TRPC6: variants seen among roughly 807,000 people sequenced by gnomAD.
TRPC6 encodes short transient receptor potential channel 6.
In TRPC6, 55 loss-of-function variants were observed where a neutral mutation model predicts 90.7. The ratio of observed to expected loss-of-function variants is 0.61; its 90% CI spans 0.49 to 0.76. The LOEUF (loss-of-function observed/expected upper bound fraction) is 0.76. Among genes scored for constraint, TRPC6 ranks in the 30% least tolerant of loss-of-function variants. The pLI is 0.00. For missense variants in TRPC6, 989 were observed against 1,122.7 expected (o/e 0.88, Z 1.70); for synonymous variants, 393 against 393.0 (o/e 1.00, Z 0.00).
intron 1 of TRPC6, among the ~76,000 whole-genome samples, chr11:101,527,174 A>G (rs1860799994): frequency 1.3e-5 from 2 of 152,140 alleles, no homozygotes; most frequent in Non-Finnish European, 1.5e-5. Context: ...TTACTGCAAT[A>G]TATTATTTAC....
At chr11:101,518,046 A>T (rs1029250310) in intron 1 of TRPC6, among the ~76,000 whole-genome samples, 4 of 152,190 alleles carry the variant, frequency 2.6e-5, no homozygotes, top group Non-Finnish European at 4.4e-5. Flanking sequence ...TAATCCTCAG[A>T]TCTTAGCTGG....
At chr11:101,497,257 C>T (rs1439049340) in intron 2 of TRPC6, among the ~76,000 whole-genome samples, 1 of 152,196 alleles carries the variant, frequency 6.6e-6, no homozygotes, top group Admixed American at 6.5e-5. Context: ...AGCTAAGGTA[C>T]ACTTTCTTCT....
At chr11:101,462,194 C>T (rs1158876410) in intron 10 of TRPC6, among the ~76,000 whole-genome samples, 1 of 132,360 alleles carries the variant, frequency 7.6e-6, no homozygotes, top group Non-Finnish European at 1.5e-5. Context: ...GGTACCAGTA[C>T]CATGCTGTTT....
intron 1 of TRPC6, among the ~76,000 whole-genome samples, chr11:101,546,048 C>CTTT (rs1565237456): frequency 2.3e-5 from 1 of 43,050 alleles, no homozygotes; most frequent in African/African-American, 7.4e-5. Context: ...ACATTTATAA[C>CTTT]TCTTTTTTTT....
At chr11:101,507,006 A>ACAC (rs1860285275) in intron 1 of TRPC6, among the ~76,000 whole-genome samples, 5 of 131,078 alleles carry the variant, frequency 3.8e-5, no homozygotes, top group South Asian at 2.6e-4. Context: ...CTCTCTCTCT[A>ACAC]ACACACACAC....
In TRPC6 at chr11:101,476,548, G is replaced by C. The variant is rs754010732; in HGVS notation, c.1511-14C>G. On this transcript the variant is annotated splice_polypyrimidine_tract_variant and intron_variant, in intron 5 of 12. Coordinates refer to ENST00000344327, the MANE Select transcript of TRPC6 (RefSeq NM_004621.6). ...CCCATATCATGCCTGCATCAGAAAG[G>C]GGTTAAAATATCAATTCAATCGCAT... 5.6e-6 allele frequency: 9 copies of C among 1,596,246 alleles called. No individual in the cohort carries two copies. In the East Asian group the frequency reaches 2.0e-4, roughly 36 times the overall value.
chr11:101,539,295 T>C lies in TRPC6; in HGVS notation c.171-34497A>G, dbSNP rs140627281. Among the ~76,000 whole-genome samples, 18 of 152,318 alleles carry C rather than the reference T, an allele frequency of 1.2e-4. No individual in the cohort carries two copies. The East Asian group carries it at 3.3e-3, about 28-fold the overall frequency. On this transcript the variant is annotated intron_variant, in intron 1 of 12. Coordinates refer to ENST00000344327, the MANE Select transcript of TRPC6 (RefSeq NM_004621.6). ...GGCTAGACTGCTCTCATGTTTAGAA[T>C]TGACCATAAGCCTTGTGCACTTTGC... is the stretch of plus-strand genomic sequence containing the variant.
rs1861631103 is a variant in TRPC6, at chr11:101,558,400, CACACACA to C, written c.170+24927_170+24933del. 9.3e-5 allele frequency among the ~76,000 whole-genome samples: 4 copies of C among 43,088 alleles called. 1 individual carries two copies. In the East Asian group the frequency reaches 0.18, roughly 1,959 times the overall value. 28.3% of individuals were successfully genotyped at this position (43,088 alleles called of 152,430 possible). On this transcript the variant is annotated intron_variant, in intron 1 of 12. Transcript: ENST00000344327. ...ATATATGTATACATGTATACATATA[CACACACA>C]CATATACACACACACATATCTACAT...
intron 1 of TRPC6, among the ~76,000 whole-genome samples, chr11:101,549,163 G>C (rs990769755): frequency 2.0e-5 from 3 of 151,918 alleles, no homozygotes; most frequent in African/African-American, 7.2e-5. Context: ...TTAATCACCT[G>C]AAGTGATTTA....
chr11:101,559,164 C>G (rs1453588375), intron 1 of TRPC6, among the ~76,000 whole-genome samples: 1 of 151,954 alleles, frequency 6.6e-6, no homozygotes, highest in Non-Finnish European at 1.5e-5. Context: ...CAATTCAAAA[C>G]AAAACAAAAC....
intron 1 of TRPC6, among the ~76,000 whole-genome samples, chr11:101,526,073 A>G (rs2136786784): frequency 6.6e-6 from 1 of 152,280 alleles, no homozygotes; most frequent in Non-Finnish European, 1.5e-5. Flanking sequence ...AGGGCAAGAG[A>G]TGTGTCTTGT....
intron 1 of TRPC6, among the ~76,000 whole-genome samples, chr11:101,559,321 T>C (rs1356887922): frequency 6.6e-6 from 1 of 152,162 alleles, no homozygotes; most frequent in African/African-American, 2.4e-5. Flanking sequence ...TTACACTGTA[T>C]TCATAAATCA....
At chr11:101,550,336 C>T (rs78775411) in intron 1 of TRPC6, among the ~76,000 whole-genome samples, 5,282 of 151,274 alleles carry the variant, frequency 0.035, 285 homozygotes, top group African/African-American at 0.11. Flanking sequence ...TTAAAAAAGA[C>T]GCAAGGATAT....
At chr11:101,556,849 A>T (rs1280268894) in intron 1 of TRPC6, among the ~76,000 whole-genome samples, 1 of 152,220 alleles carries the variant, frequency 6.6e-6, no homozygotes, top group Non-Finnish European at 1.5e-5. Flanking sequence ...CATTAAAAAG[A>T]TCATCCTCCA....
chr11:101,555,048 C>T (rs1199440282), intron 1 of TRPC6, among the ~76,000 whole-genome samples: 1 of 152,160 alleles, frequency 6.6e-6, no homozygotes, highest in Non-Finnish European at 1.5e-5. Flanking sequence ...TGCTATGACA[C>T]TGCGGTCTGA....
At position 101,483,033 on chromosome 11, in the gene TRPC6, T is replaced by G; in HGVS notation, c.1426A>C (p.Ser476Arg). Residue 476 changes from serine (S) to arginine (R), a missense_variant, in exon 5 of 13, where the codon AGC (serine) becomes CGC (arginine). Ser to Arg is a moderately radical substitution (Grantham distance 110, BLOSUM62 -1). Coordinates refer to ENST00000344327, the MANE Select transcript of TRPC6 (RefSeq NM_004621.6). The stretch of plus-strand genomic sequence containing the variant: ...AACAGCTGTTTTGCATTATCTGTGC[T>G]GGTTTCATTAGGAAGGAGTTTTGTG... ...EGTKLLPNET[S>R]TDNAKQLFRM... 1 of 1,614,088 alleles carries G rather than the reference T, an allele frequency of 6.2e-7. No individual in the cohort carries two copies. Among genetic ancestry groups the G allele is most frequent in the Non-Finnish European group, 8.5e-7 (1 of 1,179,952 alleles).
At chr11:101,546,554 A>G (rs1247224551) in intron 1 of TRPC6, among the ~76,000 whole-genome samples, 1 of 152,196 alleles carries the variant, frequency 6.6e-6, no homozygotes, top group Non-Finnish European at 1.5e-5. Context: ...CTTAGTACCT[A>G]GAAAATTGGG....
intron 4 of TRPC6, among the ~76,000 whole-genome samples, chr11:101,484,203 C>T (rs1425817363): frequency 6.6e-6 from 1 of 152,092 alleles, no homozygotes; most frequent in Non-Finnish European, 1.5e-5. Context: ...ACTCAAATGC[C>T]CACTTTCGAT....
chr11:101,583,608 C>T lies in TRPC6; in HGVS notation c.-105G>A, dbSNP rs199961884. On this transcript the variant is annotated 5_prime_UTR_variant, in exon 1 of 13. Coordinates refer to ENST00000344327, the MANE Select transcript of TRPC6 (RefSeq NM_004621.6). ...GTTCGCGTCAGCGGCCGAACTGGAC[C>T]TGGGCAGACCGGTGCCCAGGGGACG... 8 of 1,279,220 alleles carry T rather than the reference C, an allele frequency of 6.3e-6. No homozygotes were observed. The highest frequency in any genetic ancestry group is 8.2e-6 in the Non-Finnish European group (8 of 981,452). The allele number at this position is 1,279,220 out of a possible 1,614,324, so 79.2% of individuals were successfully genotyped here. A position where few individuals can be genotyped will look rare whatever the true frequency, so the allele number is the denominator to read the frequency against.
Sources: allele counts gnomAD v4.1 joint callset (sites outside exome capture counted in the v4.1 genomes callset), GRCh38; gene constraint gnomAD v4.1.1; transcripts MANE v1.5; gene names NCBI Gene and HGNC (gene_info 2026-07-23, HGNC 2026-07-21).